ERBB4: variants seen among roughly 807,000 people sequenced by gnomAD.
ERBB4 encodes the protein erb-b2 receptor tyrosine kinase 4.
ERBB4 carries 42 observed loss-of-function variants against 158.0 expected under a neutral mutation model. The ratio of observed to expected loss-of-function variants is 0.27; its 90% CI spans 0.21 to 0.34. ERBB4 has a LOEUF of 0.34. Ranked by LOEUF, ERBB4 falls within the 10% of genes least tolerant of loss-of-function variation. The probability of loss-of-function intolerance (pLI) is 1.00; values close to 1 mark genes in which losing one functional copy is unlikely to be tolerated. For synonymous variants in ERBB4, 583 were observed against 558.7 expected (o/e 1.04, Z -0.61); for missense variants, 1,333 against 1,624.1 (o/e 0.82, Z 3.08).
chr2:211,662,038 C>CAAA lies in ERBB4; in HGVS notation c.1871+3282_1871+3284dup, dbSNP rs61318918. On this transcript the variant is annotated intron_variant, in intron 15 of 27. Coordinates refer to ENST00000342788, the MANE Select transcript of ERBB4 (RefSeq NM_005235.3). The stretch of plus-strand genomic sequence containing the variant: ...TGGGCGACAGAGCGGGACTCCGTCT[C>CAAA]AAAAAAAAAAAAAAAAAAAAAAAAA... Among the ~76,000 whole-genome samples the CAAA allele has an allele frequency of 4.5e-4, 18 of 39,708 alleles. 1 individual carries two copies. In the East Asian group the frequency reaches 4.8e-3, roughly 11 times the overall value. 26.0% of individuals were successfully genotyped at this position (39,708 alleles called of 152,430 possible). A position where few individuals can be genotyped will look rare whatever the true frequency, so the allele number is the denominator to read the frequency against.
At chr2:212,460,946 T>C (rs577772488) in intron 1 of ERBB4, among the ~76,000 whole-genome samples, 6 of 152,320 alleles carry the variant, frequency 3.9e-5, no homozygotes, top group African/African-American at 4.8e-5. Flanking sequence ...AGGGTCCCCA[T>C]GCTGTTTGCA....
intron 20 of ERBB4, among the ~76,000 whole-genome samples, chr2:211,523,614 C>T (rs59493371): frequency 0.035 from 5,294 of 151,680 alleles, 299 homozygotes; most frequent in African/African-American, 0.12. Context: ...CTCAAGGCTG[C>T]GCGTCTGGAG....
intron 1 of ERBB4, among the ~76,000 whole-genome samples, chr2:212,217,956 T>C (rs1366985623): frequency 6.6e-6 from 1 of 151,264 alleles, no homozygotes; most frequent in Admixed American, 6.6e-5. Flanking sequence ...TCAGCACATA[T>C]CATGACAACC....
At chr2:211,413,487 T>C (rs1268364086) in intron 25 of ERBB4, among the ~76,000 whole-genome samples, 1 of 152,102 alleles carries the variant, frequency 6.6e-6, no homozygotes, top group Non-Finnish European at 1.5e-5. Flanking sequence ...ATGTCAAAGA[T>C]ACCACCATGT....
At chr2:211,962,819 T>C (rs1252132484) in intron 2 of ERBB4, among the ~76,000 whole-genome samples, 1 of 152,104 alleles carries the variant, frequency 6.6e-6, no homozygotes, top group Non-Finnish European at 1.5e-5. Context: ...GGTTTTTAGC[T>C]TGGGAGACTT....
chr2:211,675,390 T>C (rs917846778), intron 13 of ERBB4, among the ~76,000 whole-genome samples: 5 of 152,132 alleles, frequency 3.3e-5, no homozygotes, highest in African/African-American at 1.2e-4. Flanking sequence ...TTAAGCCTCA[T>C]TTTTTAAAAT....
chr2:212,087,997 A>C (rs111669455), intron 2 of ERBB4, among the ~76,000 whole-genome samples: 118 of 152,124 alleles, frequency 7.8e-4, no homozygotes, highest in African/African-American at 2.8e-3. Flanking sequence ...GGCACTAAAC[A>C]CTCACAATCA....
chr2:212,506,900 T>C (rs1394026847), intron 1 of ERBB4, among the ~76,000 whole-genome samples: 2 of 152,180 alleles, frequency 1.3e-5, no homozygotes, highest in African/African-American at 4.8e-5. Context: ...CAACAGATTT[T>C]CCATGGAGAT....
At chr2:212,421,598 G>T (rs2091794384) in intron 1 of ERBB4, among the ~76,000 whole-genome samples, 1 of 152,054 alleles carries the variant, frequency 6.6e-6, no homozygotes, top group African/African-American at 2.4e-5. Context: ...CATCATGCCT[G>T]GTTTCTTACA....
At chr2:212,464,659 T>C (rs556599229) in intron 1 of ERBB4, among the ~76,000 whole-genome samples, 4 of 152,116 alleles carry the variant, frequency 2.6e-5, no homozygotes, top group Non-Finnish European at 4.4e-5. Flanking sequence ...AAGTACATTA[T>C]ATATTTTAAG....
chr2:211,931,047 G>A (rs936540189), intron 3 of ERBB4, among the ~76,000 whole-genome samples: 9 of 152,018 alleles, frequency 5.9e-5, no homozygotes, highest in Admixed American at 4.6e-4. Context: ...ACAATGAATA[G>A]GATTTTCTTG....
intron 1 of ERBB4, among the ~76,000 whole-genome samples, chr2:212,536,564 T>C (rs1693077574): frequency 6.6e-6 from 1 of 152,130 alleles, no homozygotes; most frequent in Non-Finnish European, 1.5e-5. Context: ...CACTTGTGGG[T>C]CTGACAATTC....
chr2:211,999,378 A>C (rs1451964916), intron 2 of ERBB4, among the ~76,000 whole-genome samples: 1 of 151,850 alleles, frequency 6.6e-6, no homozygotes, highest in Non-Finnish European at 1.5e-5. Context: ...TATAAAACAC[A>C]GTAGTGTGAA....
At chr2:211,643,043 A>T (rs2070655839) in intron 16 of ERBB4, among the ~76,000 whole-genome samples, 2 of 152,120 alleles carry the variant, frequency 1.3e-5, no homozygotes, top group African/African-American at 4.8e-5. Context: ...AGTTTAGTTT[A>T]TCCCTCACCC....
intron 1 of ERBB4, among the ~76,000 whole-genome samples, chr2:212,128,781 T>G (rs370856505): frequency 2.0e-4 from 31 of 152,274 alleles, no homozygotes; most frequent in Middle Eastern, 6.8e-3. Flanking sequence ...CTGTGGAATG[T>G]TCTCTTATTA....
chr2:212,185,022 T>TTTTTTTTTTC (rs1559682725), intron 1 of ERBB4, among the ~76,000 whole-genome samples: 17 of 129,060 alleles, frequency 1.3e-4, no homozygotes, highest in African/African-American at 2.3e-4. Context: ...CTTTTTTTTC[T>TTTTTTTTTTC]TTTTTTTTTT....
rs1466822839 is a variant in ERBB4 at position 211,865,705 on chromosome 2, TATTA to T, written c.422-77550_422-77547del. 7.9e-5 allele frequency among the ~76,000 whole-genome samples: 12 copies of T among 152,274 alleles called. No individual in the cohort carries two copies. The South Asian group carries it at 2.3e-3, about 29-fold the overall frequency. On this transcript the variant is annotated intron_variant, in intron 3 of 27. Transcript: ENST00000342788. ...CATACTTTTTAATCAGTTTTTCCCATATTAATTAATAGCAAGATCAGCCATCCAT... is the reference window on the plus strand; with the variant it reads ...CATACTTTTTAATCAGTTTTTCCCATATTAATAGCAAGATCAGCCATCCAT...
chr2:211,680,119 T>A (rs549086132), intron 12 of ERBB4, among the ~76,000 whole-genome samples: 1 of 152,340 alleles, frequency 6.6e-6, no homozygotes, highest in South Asian at 2.1e-4. Context: ...GTGTAGAGAT[T>A]AAAGCAGTAA....
At chr2:212,237,186 C>T (rs1426922668) in intron 1 of ERBB4, among the ~76,000 whole-genome samples, 2 of 152,154 alleles carry the variant, frequency 1.3e-5, no homozygotes, top group Non-Finnish European at 2.9e-5. Context: ...AGCCTTTCTG[C>T]GCTAGTTTTT....
Sources: gnomAD v4.1 joint callset for allele counts (sites outside exome capture counted in the v4.1 genomes callset) on GRCh38, gnomAD v4.1.1 for gene constraint, MANE v1.5 for transcripts, NCBI Gene and HGNC (gene_info 2026-07-23, HGNC 2026-07-21) for gene names.